Variants in CNTN5 observed in about 807,000 individuals in gnomAD.
CNTN5 encodes contactin-5.
Under a neutral mutation model 129.1 loss-of-function variants are expected in CNTN5, and 77 were observed. The observed-to-expected ratio is 0.60, with a 90% CI of 0.50 to 0.72. CNTN5 has a LOEUF of 0.72. CNTN5 is among the 30% of genes least tolerant of loss of function. CNTN5 has a pLI of 0.00. For missense variants in CNTN5, 1,478 were observed against 1,328.8 expected (o/e 1.11, Z -1.75); for synonymous variants, 509 against 465.6 (o/e 1.09, Z -1.20).
chr11:99,807,151 TAAA>T (rs76001843), intron 3 of CNTN5, among the ~76,000 whole-genome samples: 1 of 151,650 alleles, frequency 6.6e-6, no homozygotes, highest in Non-Finnish European at 1.5e-5. Context: ...TTGTAGAAAG[TAAA>T]AAAAAGATAA....
At chr11:99,241,263 T>C (rs1861535698) in intron 1 of CNTN5, among the ~76,000 whole-genome samples, 1 of 151,680 alleles carries the variant, frequency 6.6e-6, no homozygotes, top group Admixed American at 6.6e-5. Flanking sequence ...ATTTGCAGAG[T>C]TGCTAACAAA....
intron 3 of CNTN5, among the ~76,000 whole-genome samples, chr11:99,568,850 T>C (rs1197725720): frequency 6.6e-6 from 1 of 152,216 alleles, no homozygotes; most frequent in African/African-American, 2.4e-5. Flanking sequence ...TTTTTGAAAC[T>C]CTGTCAACTT....
chr11:99,646,458 A>ATG (rs1413861026), intron 3 of CNTN5, among the ~76,000 whole-genome samples: 1 of 152,176 alleles, frequency 6.6e-6, no homozygotes, highest in Non-Finnish European at 1.5e-5. Flanking sequence ...AGAATATTCA[A>ATG]TGTAAGGGCC....
intron 1 of CNTN5, among the ~76,000 whole-genome samples, chr11:99,057,120 C>A (rs1591116776): frequency 6.6e-6 from 1 of 152,040 alleles, no homozygotes; most frequent in Admixed American, 6.6e-5. Flanking sequence ...TATGCTGTCT[C>A]TTGGGATAGA....
chr11:99,434,439 G>A (rs986524422), intron 2 of CNTN5, among the ~76,000 whole-genome samples: 3 of 152,044 alleles, frequency 2.0e-5, no homozygotes, highest in African/African-American at 7.2e-5. Context: ...ATATATTGTA[G>A]GTAAAGCTAA....
intron 22 of CNTN5, among the ~76,000 whole-genome samples, 156 bp downstream of exon 22, chr11:100,340,805 A>C (rs1952142208): frequency 6.6e-6 from 1 of 152,244 alleles, no homozygotes. Context: ...AAACTAGCTC[A>C]GAAAATTCTG....
chr11:99,545,625 C>T (rs1482728080), intron 2 of CNTN5, among the ~76,000 whole-genome samples: 1 of 152,184 alleles, frequency 6.6e-6, no homozygotes. Context: ...CTCATTGCTC[C>T]ACTAACTTTT....
chr11:99,593,686 G>T (rs1399884649), intron 3 of CNTN5, among the ~76,000 whole-genome samples: 1 of 152,072 alleles, frequency 6.6e-6, no homozygotes, highest in Admixed American at 6.6e-5. Context: ...AGGTTGTTTT[G>T]TTCTTCCCAT....
intron 6 of CNTN5, among the ~76,000 whole-genome samples, chr11:99,854,015 A>G (rs998816806): frequency 1.3e-5 from 2 of 152,156 alleles, no homozygotes; most frequent in Non-Finnish European, 2.9e-5. Context: ...CATGTCTGTA[A>G]TTAATGTATG....
chr11:100,270,988 T>C, intron 17 of CNTN5, 104 bp from the exon 18 acceptor site: 1 of 887,420 alleles, frequency 1.1e-6, no homozygotes, highest in Non-Finnish European at 1.7e-6. Flanking sequence ...TGAGGAAATA[T>C]GCATTAGCCT....
chr11:100,233,957 G>GA (rs936289458), intron 16 of CNTN5, among the ~76,000 whole-genome samples: 3 of 151,650 alleles, frequency 2.0e-5, no homozygotes, highest in African/African-American at 7.3e-5. Context: ...AAATTTACAA[G>GA]AAAAAAACAA....
chr11:99,813,832 A>G (rs959699147), intron 3 of CNTN5, among the ~76,000 whole-genome samples: 4 of 152,184 alleles, frequency 2.6e-5, no homozygotes, highest in Non-Finnish European at 5.9e-5. Context: ...GTAGCAAAAA[A>G]TGGTCCTTAA....
chr11:100,019,279 T>G (rs1415141565), intron 9 of CNTN5, among the ~76,000 whole-genome samples: 1 of 151,956 alleles, frequency 6.6e-6, no homozygotes, highest in African/African-American at 2.4e-5. Flanking sequence ...GTTTTATGTT[T>G]TCCATTTAAG....
chr11:99,318,250 C>T (rs1865427682), intron 1 of CNTN5, among the ~76,000 whole-genome samples: 1 of 152,020 alleles, frequency 6.6e-6, no homozygotes, highest in African/African-American at 2.4e-5. Flanking sequence ...TCATTGTGGC[C>T]ATTTAATTCT....
chr11:99,630,688 C>G (rs683623), intron 3 of CNTN5, among the ~76,000 whole-genome samples: 92,270 of 151,574 alleles, frequency 0.61, 28,930 homozygotes, highest in Admixed American at 0.73. Context: ...TCAACACATT[C>G]TCTGTCCGGG....
intron 6 of CNTN5, among the ~76,000 whole-genome samples, chr11:99,858,894 A>G (rs1280186264): frequency 1.4e-5 from 2 of 147,462 alleles, no homozygotes; most frequent in Admixed American, 1.4e-4. Flanking sequence ...ATTATGTTCT[A>G]GACACTCAGG....
chr11:99,588,169 C>T (rs1022537396), intron 3 of CNTN5, among the ~76,000 whole-genome samples: 2 of 151,998 alleles, frequency 1.3e-5, no homozygotes, highest in African/African-American at 4.8e-5. Context: ...CGGTGAAACC[C>T]CGTCTCTACT....
intron 2 of CNTN5, among the ~76,000 whole-genome samples, chr11:99,394,734 C>T (rs12793284): frequency 0.23 from 35,460 of 151,346 alleles, 4,848 homozygotes; most frequent in Middle Eastern, 0.34. Flanking sequence ...TGTATAGTTC[C>T]CCTCCATGTG....
chr11:99,592,371 G>A (rs1367824313), intron 3 of CNTN5, among the ~76,000 whole-genome samples: 2 of 152,200 alleles, frequency 1.3e-5, no homozygotes, highest in Non-Finnish European at 2.9e-5. Context: ...CAAGTTGCCA[G>A]CAAAGTAGAA....
Sources: gnomAD v4.1 joint callset for allele counts (sites outside exome capture counted in the v4.1 genomes callset) on GRCh38, gnomAD v4.1.1 for gene constraint, MANE v1.5 for transcripts, NCBI Gene and HGNC (gene_info 2026-07-23, HGNC 2026-07-21) for gene names.